The following HPS1 variants were observed in gnomAD, a reference collection of about 807,000 sequenced individuals.
HPS1 encodes BLOC-3 complex member HPS1.
A neutral mutation model predicts 90.6 loss-of-function variants in HPS1; 59 were observed. That is an observed-to-expected ratio of 0.65 (90% CI 0.53 to 0.81). The LOEUF (loss-of-function observed/expected upper bound fraction) is 0.81. HPS1 is among the 30% of genes least tolerant of loss of function. The pLI, the probability that HPS1 is intolerant of heterozygous loss-of-function variation, is 0.00. For missense variants in HPS1, 849 were observed against 896.7 expected, an observed-to-expected ratio of 0.95 and a Z score of 0.68; for synonymous variants, 388 against 384.4, an observed-to-expected ratio of 1.01 and a Z score of -0.11.
chr10:98,427,117 G>A (rs1288163590), intron 11 of HPS1, 98 bp downstream of exon 11: 14 of 1,018,566 alleles, frequency 1.4e-5, no homozygotes, highest in Admixed American at 4.1e-5. Context: ...GGGCTGGCAC[G>A]GGTAGAGTCA....
intron 16 of HPS1, among the ~76,000 whole-genome samples, chr10:98,423,281 C>CCG (rs1554887469): frequency 5.6e-5 from 8 of 142,216 alleles, no homozygotes; most frequent in African/African-American, 2.1e-4. Context: ...CCACAGGAAC[C>CCG]CCCCCCCCGG....
downstream of HPS1, chr10:98,415,149 T>TG: frequency 6.2e-7 from 1 of 1,610,842 alleles, no homozygotes; most frequent in Non-Finnish European, 8.5e-7. Context: ...TGCCCCAGGC[T>TG]GGGCCTTGCT....
chr10:98,421,965 AACACACACACACAGACACACAC>A (rs1844909124), intron 17 of HPS1, among the ~76,000 whole-genome samples: 4 of 118,778 alleles, frequency 3.4e-5, no homozygotes, highest in East Asian at 2.7e-4. Flanking sequence ...GAAAGAAAAG[AACACACACACACAGACACACAC>A]ACACACACAC....
chr10:98,414,932 T>C (rs911955110), downstream of HPS1: 5 of 1,506,482 alleles, frequency 3.3e-6, no homozygotes, highest in Non-Finnish European at 3.6e-6. Flanking sequence ...TGGCTCCCCC[T>C]CCCCCTCCCC....
downstream of HPS1, chr10:98,414,088 T>TATATAC (rs1564815299): frequency 6.6e-6 from 1 of 151,830 alleles, no homozygotes; most frequent in East Asian, 1.9e-4. Flanking sequence ...TATGTGTGTA[T>TATATAC]ATATACATAT....
rs79218830 is a variant in HPS1, at chr10:98,420,135, C to T, written c.1767G>A (p.Ala589=). ...TGTAGCCCTTCTGCAGGTATCTGCG[C>T]GCCAGCTGGATCAGAGACCAGACCT... The part of the protein sequence containing the change: ...KTKVWSLIQL[A]RRYLQKGYTT... Residue 589 remains alanine, a synonymous_variant, in exon 18 of 20, where the codon GCG becomes GCA. Coordinates refer to ENST00000361490, the MANE Select transcript of HPS1 (RefSeq NM_000195.5). 2.9e-3 allele frequency: 4,690 copies of T among 1,613,758 alleles called. 104 individuals are homozygous for T. The African/African-American group carries it at 0.049, about 17-fold the overall frequency.
intron 3 of HPS1, among the ~76,000 whole-genome samples, chr10:98,439,162 A>C (rs1937944802): frequency 6.6e-6 from 1 of 152,190 alleles, no homozygotes; most frequent in Non-Finnish European, 1.5e-5. Flanking sequence ...CCTCATGGAG[A>C]ACCTCTGCTA....
In HPS1 at chr10:98,417,842, C is replaced by T; in HGVS notation, c.1941-116G>A. On this transcript the variant is annotated intron_variant, in intron 19 of 19. Transcript: ENST00000361490. This position sits in a 1 kb window ranked among gnomAD's most constrained non-coding sequence, Gnocchi z 4.2. ...CCATGCCCTCGGTCATCTCACTAGG[C>T]CCCTGCATGTGGGCCTTGACAACCG... is the stretch of plus-strand genomic sequence containing the variant. 1 of 974,050 alleles carries T rather than the reference C, an allele frequency of 1.0e-6. No individual in the cohort carries two copies. The highest frequency in any genetic ancestry group is 1.6e-6 in the Non-Finnish European group (1 of 629,720). 60.3% of individuals were successfully genotyped at this position (974,050 alleles called of 1,614,324 possible). A position where few individuals can be genotyped will look rare whatever the true frequency, so the allele number is the denominator to read the frequency against.
At position 98,443,153 on chromosome 10, in the gene HPS1, A is replaced by C; in HGVS notation, c.88T>G (p.Phe30Val). The C allele has an allele frequency of 1.9e-6, 3 of 1,613,680 alleles. No individual in the cohort carries two copies. The highest frequency in any genetic ancestry group is 1.1e-5 in the South Asian group (1 of 91,056). ...QEFEESLRLK[F>V]GQSENEEEEL... The stretch of plus-strand genomic sequence containing the variant: ...TCTTCCTCATTCTCTGACTGCCCGA[A>C]CTTCAGCCGGAGACTCTCTTCAAAC... Residue 30 changes from phenylalanine to valine, a missense_variant, in exon 3 of 20, where the codon TTC (phenylalanine) becomes GTC (valine). By Grantham distance (50) the Phe-to-Val change is conservative. Coordinates refer to ENST00000361490, the MANE Select transcript of HPS1 (RefSeq NM_000195.5).
chr10:98,429,902 G>A lies in HPS1; in HGVS notation c.769-13C>T. ...TCCGCGGGGAAGGCTGTGCAGGGCA[G>A]GGGAGAGGCTGGTTAGCTCCTATCT... On this transcript the variant is annotated splice_polypyrimidine_tract_variant and intron_variant, in intron 8 of 19. Coordinates refer to ENST00000361490, the MANE Select transcript of HPS1 (RefSeq NM_000195.5). The A allele has an allele frequency of 1.4e-5, 22 of 1,606,660 alleles. No homozygotes were observed. The highest frequency in any genetic ancestry group is 1.9e-5 in the Non-Finnish European group (22 of 1,178,692).
chr10:98,434,071 G>T lies in HPS1; in HGVS notation c.419C>A (p.Ala140Glu). 1.3e-6 allele frequency: 2 copies of T among 1,550,610 alleles called. No individual in the cohort carries two copies. The highest frequency in any genetic ancestry group is 1.7e-6 in the Non-Finnish European group (2 of 1,147,194). The stretch of plus-strand genomic sequence containing the variant: ...GTGCTCCCACAGCTGGACACGCTGC[G>T]CCAGGTCTGGGGGCCGCAGCCTGGG... ...IRKELRPPDL[A>E]QRVQLWEHFQ... Residue 140 changes from alanine (A) to glutamate (E), a missense_variant, in exon 6 of 20, where the codon GCG becomes GAG. Physicochemically the swap from Ala to Glu is moderately radical, Grantham distance 107. Transcript: ENST00000361490.
Position 98,426,640 on chromosome 10 carries a change from C to T in HPS1, c.987+575G>A, listed in dbSNP as rs561767160. Among the ~76,000 whole-genome samples, 3 of 152,264 alleles carry T rather than the reference C, an allele frequency of 2.0e-5. No homozygotes were observed. The South Asian group carries it at 6.2e-4, about 32-fold the overall frequency. On this transcript the variant is annotated intron_variant, in intron 11 of 19. Transcript: ENST00000361490. ...ATGGACTACCAATCATTACAAACCA[C>T]ACTGTGGGAGTGCTTAGGAAATGGA...
rs780907029 is a variant in HPS1, at chr10:98,423,737, G to T, written c.1532+16C>A. The T allele has an allele frequency of 5.6e-6, 9 of 1,614,072 alleles. No individual in the cohort carries two copies. The highest frequency in any genetic ancestry group is 7.6e-6 in the Non-Finnish European group (9 of 1,180,030). ...AGACCCTGCCCTGGCCACCCAGGGG[G>T]CCGCACTGCACTTACCGCATGAGCC... On this transcript the variant is annotated intron_variant, in intron 15 of 19. Transcript: ENST00000361490.
Position 98,420,047 on chromosome 10 carries a change from T to A in HPS1, c.1855A>T (p.Met619Leu). The A allele has an allele frequency of 6.2e-7, 1 of 1,605,668 alleles. No individual in the cohort carries two copies. The highest frequency in any genetic ancestry group is 8.5e-7 in the Non-Finnish European group (1 of 1,172,292). ...CSYFLWFEND[M>L]GYKLQMIEVP... Reference sequence around the variant, plus strand: ...CCCAGGGACTCAGCCTCACCTACCATGTCATTCTCGAACCACAGGAAGTAG... The same window carrying A: ...CCCAGGGACTCAGCCTCACCTACCAAGTCATTCTCGAACCACAGGAAGTAG... The change falls in exon 18 of 20, where the codon ATG becomes TTG. Residue 619 changes from methionine (M) to leucine (L), a missense_variant and splice_region_variant. By Grantham distance (15) the Met-to-Leu change is conservative. Coordinates refer to ENST00000361490, the MANE Select transcript of HPS1 (RefSeq NM_000195.5).
In HPS1 at chr10:98,417,784, C is replaced by T. The variant is rs1293143218; in HGVS notation, c.1941-58G>A. 3 of 1,540,572 alleles carry T rather than the reference C, an allele frequency of 1.9e-6. No individual in the cohort carries two copies. The highest frequency in any genetic ancestry group is 2.7e-6 in the Non-Finnish European group (3 of 1,114,930). ...TGAGGCTGTGGCACTCCTCCAGCGC[C>T]AGAGGCCTCTCTGGGCCCTCGCAAG... is the stretch of plus-strand genomic sequence containing the variant. On this transcript the variant is annotated intron_variant, in intron 19 of 19. Coordinates refer to ENST00000361490, the MANE Select transcript of HPS1 (RefSeq NM_000195.5). This position sits in a 1 kb window ranked among gnomAD's most constrained non-coding sequence, Gnocchi z 4.2.
In HPS1 at chr10:98,422,475, T is replaced by C. The variant is rs1845018299; in HGVS notation, c.1637A>G (p.Tyr546Cys). The C allele has an allele frequency of 1.9e-6, 3 of 1,614,006 alleles. No homozygotes were observed. The highest frequency in any genetic ancestry group is 1.3e-5 in the African/African-American group (1 of 74,934). Residue 546 changes from tyrosine to cysteine, a missense_variant, in exon 17 of 20, where the codon TAT (tyrosine) becomes TGT (cysteine). Coordinates refer to ENST00000361490, the MANE Select transcript of HPS1 (RefSeq NM_000195.5). ...CATCTGCCCAGTGGTGCGGTCCACA[T>C]AGATGAAGTGCACCAAGCCTGGGAA... is the stretch of plus-strand genomic sequence containing the variant. ...EDFPGLVHFIYVDRTTGQMVA... is the reference protein window; with the variant it reads ...EDFPGLVHFICVDRTTGQMVA...
chr10:98,438,897 G>A (rs1304962823), intron 3 of HPS1, among the ~76,000 whole-genome samples: 4 of 152,194 alleles, frequency 2.6e-5, no homozygotes, highest in African/African-American at 9.7e-5. Flanking sequence ...CAGGGGTTGG[G>A]CCCAGGGCCT....
chr10:98,434,215 C>T (rs1428024154), intron 5 of HPS1, 124 bp from the exon 6 acceptor site: 7 of 968,970 alleles, frequency 7.2e-6, no homozygotes, highest in African/African-American at 1.6e-5. Flanking sequence ...CCTGCCCACA[C>T]AGCTGGGAAA....
rs116097587 is a variant in HPS1 at position 98,425,223 on chromosome 10, G to A, written c.1335+318C>T. 4.7e-3 allele frequency among the ~76,000 whole-genome samples: 720 copies of A among 152,330 alleles called. 6 individuals are homozygous for A. The highest frequency in any genetic ancestry group is 0.016 in the African/African-American group (670 of 41,568). On this transcript the variant is annotated intron_variant, in intron 13 of 19. Transcript: ENST00000361490. ...CCGACTGCACTTGCTCACTGCATCC[G>A]GGCTCTGGCTCCACTGCTCATGAGC... is the stretch of plus-strand genomic sequence containing the variant.
Sources: allele counts gnomAD v4.1 joint callset (sites outside exome capture counted in the v4.1 genomes callset), GRCh38; gene constraint gnomAD v4.1.1; non-coding constraint Gnocchi (gnomAD v3.1); transcripts MANE v1.5; gene names NCBI Gene and HGNC (gene_info 2026-07-23, HGNC 2026-07-21).